The following NETO2 variants were observed in gnomAD, a reference collection of about 807,000 sequenced individuals.
NETO2 encodes the protein neuropilin and tolloid-like protein 2.
NETO2 carries 28 observed loss-of-function variants against 62.5 expected under a neutral mutation model. That is an observed-to-expected ratio of 0.45 (90% confidence interval 0.33 to 0.61). NETO2 has a LOEUF of 0.61. Among genes scored for constraint, NETO2 ranks in the 20% least tolerant of loss-of-function variants. NETO2 has a pLI of 0.02. For missense variants in NETO2, 548 were observed against 643.2 expected (o/e 0.85, Z 1.60); for synonymous variants, 214 against 219.1 (o/e 0.98, Z 0.21).
At chr16:47,116,694 A>G (rs982604215) in intron 6 of NETO2, among the ~76,000 whole-genome samples, 5 of 152,204 alleles carry the variant, frequency 3.3e-5, no homozygotes, top group South Asian at 2.1e-4. Context: ...AATTGGCATT[A>G]TATCTTCCTT....
intron 8 of NETO2, among the ~76,000 whole-genome samples, chr16:47,084,739 A>C (rs998918716): frequency 1.2e-4 from 19 of 152,144 alleles, no homozygotes; most frequent in African/African-American, 4.3e-4. Context: ...CATGTGAGGG[A>C]TATAGGCTGT....
intron 8 of NETO2, among the ~76,000 whole-genome samples, chr16:47,085,668 G>A (rs889985036): frequency 1.3e-4 from 20 of 152,076 alleles, no homozygotes; most frequent in Non-Finnish European, 4.4e-5. Context: ...ACAGGCGTAA[G>A]CCACCGCGCC....
At chr16:47,116,315 T>C (rs1319219244) in intron 6 of NETO2, among the ~76,000 whole-genome samples, 4 of 152,102 alleles carry the variant, frequency 2.6e-5, no homozygotes, top group Admixed American at 1.3e-4. Flanking sequence ...GATACCCTTC[T>C]TCAGGTTATG....
intron 6 of NETO2, among the ~76,000 whole-genome samples, chr16:47,115,853 G>A (rs1963910548): frequency 6.6e-6 from 1 of 150,838 alleles, no homozygotes; most frequent in Non-Finnish European, 1.5e-5. Flanking sequence ...TTACAGGCGG[G>A]AGCCACAGTG....
Position 47,128,585 on chromosome 16 carries a change from G to C in NETO2, c.233-12C>G, listed in dbSNP as rs764315619. On this transcript the variant is annotated splice_polypyrimidine_tract_variant and intron_variant, in intron 3 of 8. Coordinates refer to ENST00000562435, the MANE Select transcript of NETO2 (RefSeq NM_018092.5). ...TTGACGTGGAGCAGCTAGAAAATAA[G>C]AGTAAGCAAATCAGGACAACACAAA... 6.2e-7 allele frequency: 1 copy of C among 1,607,464 alleles called. No individual in the cohort carries two copies. The highest frequency in any genetic ancestry group is 2.2e-5 in the East Asian group (1 of 44,850).
At chr16:47,125,812 TC>T (rs1365538349) in intron 4 of NETO2, among the ~76,000 whole-genome samples, 1 of 152,222 alleles carries the variant, frequency 6.6e-6, no homozygotes, top group African/African-American at 2.4e-5. Flanking sequence ...AGCCTCAGCC[TC>T]CCGAGTAGCT....
chr16:47,112,807 A>G (rs10518838), intron 6 of NETO2, among the ~76,000 whole-genome samples: 20,249 of 152,268 alleles, frequency 0.13, 1,825 homozygotes, highest in Non-Finnish European at 0.19. Flanking sequence ...GCTCCTAAAA[A>G]TTTGTGAATA....
rs1428494333 is a variant in NETO2, at chr16:47,083,365, G to C, written c.1434C>G (p.Phe478Leu). Reference protein sequence around the residue: ...PQPMKTFNSTFKKSSYTFKQG... With the variant: ...PQPMKTFNSTLKKSSYTFKQG... Reference sequence around the variant, plus strand: ...GTTTGAAAGTGTAACTACTTTTCTTGAAGGTGCTATTAAATGTTTTCATTG... The same window carrying C: ...GTTTGAAAGTGTAACTACTTTTCTTCAAGGTGCTATTAAATGTTTTCATTG... Residue 478 changes from phenylalanine to leucine, a missense_variant, in exon 9 of 9, where the codon TTC becomes TTG. Phe to Leu is a conservative substitution (Grantham distance 22). Transcript: ENST00000562435. 1.2e-6 allele frequency: 2 copies of C among 1,614,086 alleles called. No individual in the cohort carries two copies. Among genetic ancestry groups the C allele is most frequent in the African/African-American group, 2.7e-5 (2 of 74,922 alleles).
chr16:47,109,057 TATA>T (rs1259673162), intron 7 of NETO2, among the ~76,000 whole-genome samples: 1 of 152,206 alleles, frequency 6.6e-6, no homozygotes, highest in African/African-American at 2.4e-5. Context: ...TTTACACCTT[TATA>T]ATGAGTGTTC....
intron 7 of NETO2, among the ~76,000 whole-genome samples, chr16:47,088,264 C>A (rs1264077648): frequency 6.6e-6 from 1 of 152,096 alleles, no homozygotes; most frequent in African/African-American, 2.4e-5. Context: ...TGTCACCATG[C>A]CCAGCTAATT....
chr16:47,092,042 T>G (rs1269399000), intron 7 of NETO2, among the ~76,000 whole-genome samples: 5 of 151,268 alleles, frequency 3.3e-5, no homozygotes, highest in Non-Finnish European at 5.9e-5. Flanking sequence ...TTTTTTTTTT[T>G]GTAGAGATGT....
intron 6 of NETO2, among the ~76,000 whole-genome samples, chr16:47,113,208 C>T (rs1963838808): frequency 6.6e-6 from 1 of 152,206 alleles, no homozygotes; most frequent in East Asian, 1.9e-4. Flanking sequence ...ATACATTTTT[C>T]TCTTTACAGT....
chr16:47,100,369 A>G (rs1050812812), intron 7 of NETO2, among the ~76,000 whole-genome samples: 3 of 152,218 alleles, frequency 2.0e-5, no homozygotes, highest in Non-Finnish European at 2.9e-5. Flanking sequence ...AAGATCTAAA[A>G]TCGACACCCT....
rs769750834 is a variant in NETO2 at position 47,129,204 on chromosome 16, A to G, written c.232+20T>C. 6.2e-7 allele frequency: 1 copy of G among 1,609,738 alleles called. No homozygotes were observed. The highest frequency in any genetic ancestry group is 8.5e-7 in the Non-Finnish European group (1 of 1,176,456). ...ACAATAAAGTAAAAATTCATCCAAT[A>G]AAAGAAATCGTTCAAATACCTTCCA... On this transcript the variant is annotated intron_variant, in intron 3 of 8. Transcript: ENST00000562435.
At chr16:47,113,258 C>CT in intron 6 of NETO2, among the ~76,000 whole-genome samples, 1 of 152,304 alleles carries the variant, frequency 6.6e-6, no homozygotes, top group Non-Finnish European at 1.5e-5. Flanking sequence ...AAAGCAAATT[C>CT]TTTGAGTCTG....
chr16:47,079,816 G>A lies in NETO2; in HGVS notation c.*3405C>T, dbSNP rs1269008734. On this transcript the variant is annotated 3_prime_UTR_variant, in exon 9 of 9. Coordinates refer to ENST00000562435, the MANE Select transcript of NETO2 (RefSeq NM_018092.5). ...CATGTCACTTGCAATAAAGTGACATGAACAATATATAGCAGACCCCATTTT... is the reference window on the plus strand; with the variant it reads ...CATGTCACTTGCAATAAAGTGACATAAACAATATATAGCAGACCCCATTTT... The A allele has an allele frequency of 6.6e-6, 1 of 152,124 alleles. No homozygotes were observed. The highest frequency in any genetic ancestry group is 1.5e-5 in the Non-Finnish European group (1 of 68,034). 9.4% of individuals were successfully genotyped at this position (152,124 alleles called of 1,614,324 possible). A position where few individuals can be genotyped will look rare whatever the true frequency, so the allele number is the denominator to read the frequency against.
rs112939359 is a variant in NETO2, at chr16:47,092,410, G to A, written c.884-6071C>T. On this transcript the variant is annotated intron_variant, in intron 7 of 8. Coordinates refer to ENST00000562435, the MANE Select transcript of NETO2 (RefSeq NM_018092.5). ...CAAAACATTCTCATTTTAACATATA[G>A]CATAAAATACTGTTAGTGGGATACT... 5.6e-3 allele frequency among the ~76,000 whole-genome samples: 858 copies of A among 152,264 alleles called. 5 individuals carry two copies. The highest frequency in any genetic ancestry group is 0.02 in the Middle Eastern group (6 of 294).
chr16:47,142,866 T>C (rs1964487877), intron 1 of NETO2, among the ~76,000 whole-genome samples: 2 of 152,306 alleles, frequency 1.3e-5, no homozygotes, highest in Admixed American at 1.3e-4. Flanking sequence ...GTACAACAAA[T>C]TAGTAAGAAC....
intron 6 of NETO2, among the ~76,000 whole-genome samples, chr16:47,120,893 T>A (rs1423998479): frequency 6.6e-6 from 1 of 151,552 alleles, no homozygotes; most frequent in Non-Finnish European, 1.5e-5. Context: ...TTCTTGAAAT[T>A]TTTTTTTTCT....
Sources: gnomAD v4.1 joint callset for allele counts (sites outside exome capture counted in the v4.1 genomes callset) on GRCh38, gnomAD v4.1.1 for gene constraint, MANE v1.5 for transcripts, NCBI Gene and HGNC (gene_info 2026-07-23, HGNC 2026-07-21) for gene names.